Variants in TEX11 observed in about 807,000 individuals in gnomAD.
TEX11 encodes testis expressed 11, also known as testis-expressed protein 11.
In TEX11, 7 loss-of-function variants were observed where a neutral mutation model predicts 84.4. The ratio of observed to expected loss-of-function variants is 0.08; its 90% confidence interval spans 0.05 to 0.16. TEX11 has a LOEUF of 0.16. TEX11 is among the 10% of genes least tolerant of loss of function. The pLI, the probability that TEX11 is intolerant of heterozygous loss-of-function variation, is 1.00. For missense variants in TEX11, 551 were observed against 660.5 expected (o/e 0.83, Z 1.82); for synonymous variants, 264 against 222.8 (o/e 1.18, Z -1.64).
Position 70,656,113 on chromosome X carries a change from G to GTATATA in TEX11, c.1381-4567_1381-4562dup, listed in dbSNP as rs774232604. ...AAGAGACTTTAGCAAAGGTAGCTGTGTATATATATATATATATATGCCATA... is the reference window on the plus strand; with the variant it reads ...AAGAGACTTTAGCAAAGGTAGCTGTGTATATATATATATATATATATATATGCCATA... On this transcript the variant is annotated intron_variant, in intron 16 of 29. Transcript: ENST00000374333. Among the ~76,000 whole-genome samples the GTATATA allele has an allele frequency of 9.6e-3, 971 of 101,230 alleles. 8 individuals are homozygous for GTATATA. The highest frequency in any genetic ancestry group is 0.041 in the East Asian group (131 of 3,192). The allele number at this position is 101,230 out of a possible 115,157, so 87.9% of individuals were successfully genotyped here.
chrX:70,743,332 C>T (rs1296564881), intron 10 of TEX11, among the ~76,000 whole-genome samples: 1 of 111,893 alleles, frequency 8.9e-6, no homozygotes, highest in Non-Finnish European at 1.9e-5. Context: ...CTCTTTTATT[C>T]CCCATATATT....
At chrX:70,529,213 T>C in intron 29 of TEX11, 26 bp from the exon 30 acceptor site, 1 of 1,130,052 alleles carries the variant, frequency 8.8e-7, no homozygotes, top group African/African-American at 1.8e-5. Flanking sequence ...ACAAATAGAT[T>C]TCTTGAGGGG....
chrX:70,788,969 TATATAGAGAG>T (rs1258456513), intron 9 of TEX11, among the ~76,000 whole-genome samples: 9 of 24,929 alleles, frequency 3.6e-4, no homozygotes, highest in East Asian at 1.2e-3. Flanking sequence ...TATATATATA[TATATAGAGAG>T]AGAGAGAGAG....
chrX:70,723,959 C>T (rs1257759085), intron 12 of TEX11: 1 of 377,457 alleles, frequency 2.6e-6, no homozygotes, highest in Non-Finnish European at 3.4e-6. Context: ...GGTTAGCCTC[C>T]TAATCTGTAA....
chrX:70,733,758 G>A (rs1208109906), intron 11 of TEX11, among the ~76,000 whole-genome samples: 1 of 111,569 alleles, frequency 9.0e-6, no homozygotes, highest in East Asian at 2.8e-4. Flanking sequence ...ATTCCTCAGG[G>A]ATCTAGAACT....
chrX:70,779,498 C>T (rs766492389), intron 9 of TEX11, among the ~76,000 whole-genome samples: 33 of 107,952 alleles, frequency 3.1e-4, no homozygotes, highest in Non-Finnish European at 5.2e-4. Context: ...CGTTGCTCCT[C>T]GAGGAACTAG....
Position 70,651,460 on chromosome X carries a change from G to T in TEX11, c.1473C>A (p.Asn491Lys), listed in dbSNP as rs144149425. ...YIFKIAVIEG[N>K]SERALQAIIT... is the part of the protein sequence containing the mutation. ...AAATAAAATTTATACCTCTTTCAGA[G>T]TTGCCCTCTATGACTGCAATCTTGA... Residue 491 changes from asparagine to lysine, a missense_variant, in exon 17 of 30, where the codon AAC (asparagine) becomes AAA (lysine). Transcript: ENST00000374333. The T allele has an allele frequency of 5.4e-4, 645 of 1,188,194 alleles. No homozygotes were observed. Among genetic ancestry groups the T allele is most frequent in the Non-Finnish European group, 6.8e-4 (599 of 878,705 alleles).
At chrX:70,812,215 T>G (rs1232683000) in intron 8 of TEX11, among the ~76,000 whole-genome samples, 1 of 109,298 alleles carries the variant, frequency 9.1e-6, no homozygotes, top group Non-Finnish European at 1.9e-5. Context: ...ATTAATTTTT[T>G]TTTTTTTGAG....
At chrX:70,760,318 CA>C (rs2090900041) in intron 9 of TEX11, among the ~76,000 whole-genome samples, 1 of 111,684 alleles carries the variant, frequency 9.0e-6, no homozygotes, top group African/African-American at 3.2e-5. Flanking sequence ...CAATCCTAAG[CA>C]AAAAGAACAA....
At chrX:70,566,505 G>A (rs1324318175) in intron 25 of TEX11, among the ~76,000 whole-genome samples, 23 of 109,706 alleles carry the variant, frequency 2.1e-4, no homozygotes, top group African/African-American at 7.0e-4. Context: ...GAATGCTTCC[G>A]TTTTTGCCCA....
At chrX:70,868,253 G>T (rs1038273317) in intron 4 of TEX11, among the ~76,000 whole-genome samples, 2 of 111,770 alleles carry the variant, frequency 1.8e-5, no homozygotes, top group African/African-American at 6.5e-5. Flanking sequence ...AGACATTTTT[G>T]AGGCCAAAAA....
At chrX:70,568,173 C>G (rs1355491277) in intron 25 of TEX11, among the ~76,000 whole-genome samples, 1 of 111,400 alleles carries the variant, frequency 9.0e-6, no homozygotes, top group Non-Finnish European at 1.9e-5. Flanking sequence ...CCTTCTTTGT[C>G]TCTTTTGATC....
intron 20 of TEX11, among the ~76,000 whole-genome samples, chrX:70,621,024 A>G (rs1422487098): frequency 9.0e-6 from 1 of 111,234 alleles, no homozygotes; most frequent in Admixed American, 9.6e-5. Context: ...AAACCCATAG[A>G]ATGTACAACA....
chrX:70,754,160 G>A (rs2090850461), intron 9 of TEX11, among the ~76,000 whole-genome samples: 1 of 111,393 alleles, frequency 9.0e-6, no homozygotes, highest in Non-Finnish European at 1.9e-5. Flanking sequence ...CCAATTCCAG[G>A]ATTGGCTCTT....
At chrX:70,748,642 T>C (rs2090786760) in intron 9 of TEX11, among the ~76,000 whole-genome samples, 1 of 105,332 alleles carries the variant, frequency 9.5e-6, no homozygotes, top group African/African-American at 3.5e-5. Context: ...TACATATGGC[T>C]AGCCAGTTTT....
chrX:70,873,081 C>A, intron 4 of TEX11, 142 bp downstream of exon 4: 1 of 379,342 alleles, frequency 2.6e-6, no homozygotes, highest in Non-Finnish European at 4.4e-6. Context: ...GCTTGAGAAA[C>A]CATTGTTCCT....
At chrX:70,902,015 C>A (rs1396126035) in intron 2 of TEX11, among the ~76,000 whole-genome samples, 1 of 112,690 alleles carries the variant, frequency 8.9e-6, no homozygotes, top group Non-Finnish European at 1.9e-5. Flanking sequence ...TTCGGGACAC[C>A]GAGGAAGGAG....
At chrX:70,873,145 T>C in intron 4 of TEX11, 78 bp downstream of exon 4, 1 of 608,590 alleles carries the variant, frequency 1.6e-6, no homozygotes, top group Non-Finnish European at 2.7e-6. Context: ...GGTCAAAACA[T>C]TATTTAAACT....
intron 20 of TEX11, 95 bp from the exon 21 acceptor site, chrX:70,610,638 T>C (rs988817474): frequency 3.5e-5 from 31 of 877,388 alleles, no homozygotes; most frequent in Non-Finnish European, 4.8e-5. Context: ...AGAATTGAAC[T>C]AAGAAAATGC....
Sources: allele counts gnomAD v4.1 joint callset (sites outside exome capture counted in the v4.1 genomes callset), GRCh38; gene constraint gnomAD v4.1.1; transcripts MANE v1.5; gene names NCBI Gene and HGNC (gene_info 2026-07-23, HGNC 2026-07-21).